Variants in MYO3A observed in about 807,000 individuals in gnomAD.
MYO3A encodes myosin-IIIa.
A neutral mutation model predicts 192.7 loss-of-function variants in MYO3A; 180 were observed. That is an observed-to-expected ratio of 0.93 (90% CI 0.83 to 1.06). The LOEUF is 1.06. Among genes scored for constraint, MYO3A ranks in the 50% least tolerant of loss-of-function variants. MYO3A has a pLI of 0.00. For synonymous variants in MYO3A, 628 were observed against 645.3 expected (o/e 0.97, Z 0.41); for missense variants, 1,896 against 1,905.0 (o/e 1.00, Z 0.09).
At chr10:26,120,580 G>C in intron 17 of MYO3A, 96 bp from the exon 18 acceptor site, 1 of 1,515,152 alleles carries the variant, frequency 6.6e-7, no homozygotes, top group Non-Finnish European at 9.1e-7. Flanking sequence ...ATATGAAAGG[G>C]CCTGAGGGTT....
At position 26,174,561 on chromosome 10, in the gene MYO3A, T is replaced by G. The variant is rs1276541823; in HGVS notation, c.4293+4T>G. The stretch of plus-strand genomic sequence containing the variant: ...TTTGGCAATTTTTTCAAAACAGGTA[T>G]GTGAATAAATAAATTTATTTACTAA... On this transcript the variant is annotated splice_donor_region_variant and intron_variant, in intron 30 of 34. Transcript: ENST00000642920. 1.2e-6 allele frequency: 2 copies of G among 1,610,082 alleles called. No individual in the cohort carries two copies. The highest frequency in any genetic ancestry group is 1.7e-6 in the Non-Finnish European group (2 of 1,177,026).
chr10:25,954,138 A>G (rs779038220), intron 3 of MYO3A, among the ~76,000 whole-genome samples: 2 of 152,134 alleles, frequency 1.3e-5, no homozygotes, highest in Admixed American at 6.6e-5. Flanking sequence ...ATTAGAGCTC[A>G]GATTTAAATT....
chr10:26,164,013 C>T (rs547075535), intron 26 of MYO3A, among the ~76,000 whole-genome samples: 103 of 152,288 alleles, frequency 6.8e-4, no homozygotes, highest in African/African-American at 2.4e-3. Flanking sequence ...GCAGAAAAAA[C>T]GCTTACAATT....
At chr10:25,993,529 C>T (rs964944355) in intron 4 of MYO3A, among the ~76,000 whole-genome samples, 1 of 152,046 alleles carries the variant, frequency 6.6e-6, no homozygotes, top group South Asian at 2.1e-4. Flanking sequence ...CTGCTCTGAT[C>T]TTAGTTATTT....
chr10:26,195,964 T>C (rs1242284881), intron 32 of MYO3A, among the ~76,000 whole-genome samples: 1 of 150,870 alleles, frequency 6.6e-6, no homozygotes, highest in Non-Finnish European at 1.5e-5. Context: ...GTTGTACAAA[T>C]GAGAGCAATG....
At position 26,170,859 on chromosome 10, in the gene MYO3A, T is replaced by G. The variant is rs114869853; in HGVS notation, c.3398+320T>G. On this transcript the variant is annotated intron_variant, in intron 29 of 34. Coordinates refer to ENST00000642920, the MANE Select transcript of MYO3A (RefSeq NM_017433.5). ...TAAATGTATCCCTGGGCCCTCTCAT[T>G]CATTCCAGTGGCTTTAATAGCCAAT... Among the ~76,000 whole-genome samples, 2,993 of 152,324 alleles carry G rather than the reference T, an allele frequency of 0.02. 104 individuals carry two copies. Among genetic ancestry groups the G allele is most frequent in the African/African-American group, 0.068 (2,821 of 41,552 alleles).
chr10:26,072,513 G>A (rs1835269477), intron 14 of MYO3A, among the ~76,000 whole-genome samples: 1 of 152,168 alleles, frequency 6.6e-6, no homozygotes, highest in Non-Finnish European at 1.5e-5. Context: ...AAACTAGGGA[G>A]AGACAAGGAA....
At chr10:26,043,975 A>C (rs968371859) in intron 10 of MYO3A, among the ~76,000 whole-genome samples, 1 of 152,188 alleles carries the variant, frequency 6.6e-6, no homozygotes, top group African/African-American at 2.4e-5. Flanking sequence ...ATGGTGTACT[A>C]TCTGGGTATC....
chr10:26,197,961 C>G (rs920308293), intron 32 of MYO3A, among the ~76,000 whole-genome samples: 4 of 152,196 alleles, frequency 2.6e-5, no homozygotes, highest in Non-Finnish European at 5.9e-5. Context: ...GGCCTATGCT[C>G]GCTGTTACAG....
intron 4 of MYO3A, among the ~76,000 whole-genome samples, chr10:25,994,931 C>A (rs1840325105): frequency 6.6e-6 from 1 of 152,164 alleles, no homozygotes; most frequent in Non-Finnish European, 1.5e-5. Flanking sequence ...TTCTCTCTGG[C>A]TGCCCTTAAT....
chr10:26,111,790 AG>A (rs1445552785), intron 17 of MYO3A, among the ~76,000 whole-genome samples: 3 of 152,314 alleles, frequency 2.0e-5, no homozygotes, highest in African/African-American at 7.2e-5. Flanking sequence ...ATGCCTGGTT[AG>A]GGGAAAACGG....
At chr10:26,014,257 T>C (rs1000381824) in intron 6 of MYO3A, among the ~76,000 whole-genome samples, 6 of 152,074 alleles carry the variant, frequency 3.9e-5, no homozygotes, top group Non-Finnish European at 7.4e-5. Flanking sequence ...TAAACACATG[T>C]ACATCAAAAG....
intron 26 of MYO3A, among the ~76,000 whole-genome samples, chr10:26,157,955 G>A (rs1016805724): frequency 7.2e-5 from 11 of 152,072 alleles, no homozygotes; most frequent in Admixed American, 1.3e-4. Flanking sequence ...GTAGAGGCCT[G>A]GGAATGCTGT....
intron 34 of MYO3A, among the ~76,000 whole-genome samples, chr10:26,209,239 C>T (rs545418804): frequency 6.6e-6 from 1 of 152,330 alleles, no homozygotes; most frequent in African/African-American, 2.4e-5. Context: ...TGCACTAAAT[C>T]CAAGTGCTAT....
chr10:26,128,617 A>G, intron 20 of MYO3A, 79 bp downstream of exon 20: 1 of 1,405,542 alleles, frequency 7.1e-7, no homozygotes, highest in Non-Finnish European at 9.9e-7. Context: ...CAGGACCTTA[A>G]CCATAGATTT....
At chr10:26,011,444 A>T (rs1405416785) in intron 6 of MYO3A, among the ~76,000 whole-genome samples, 11 of 147,308 alleles carry the variant, frequency 7.5e-5, no homozygotes, top group South Asian at 2.1e-4. Flanking sequence ...AAAAAAGTTT[A>T]AAAAAAAAGA....
intron 26 of MYO3A, among the ~76,000 whole-genome samples, chr10:26,162,647 T>C (rs771560259): frequency 1.3e-5 from 2 of 152,242 alleles, no homozygotes; most frequent in South Asian, 2.1e-4. Flanking sequence ...TACCAAAGCA[T>C]TTGATGCAGT....
chr10:26,205,899 G>A (rs910657388), intron 34 of MYO3A, among the ~76,000 whole-genome samples: 16 of 152,004 alleles, frequency 1.1e-4, no homozygotes, highest in Admixed American at 6.6e-4. Context: ...GATTACAGGC[G>A]TGAGCCACCG....
At chr10:26,056,083 C>T (rs1834092984) in intron 10 of MYO3A, among the ~76,000 whole-genome samples, 1 of 152,128 alleles carries the variant, frequency 6.6e-6, no homozygotes. Context: ...ATGATAAAGG[C>T]TCTAGTGGAT....
Sources: allele counts gnomAD v4.1 joint callset (sites outside exome capture counted in the v4.1 genomes callset), GRCh38; gene constraint gnomAD v4.1.1; transcripts MANE v1.5; gene names NCBI Gene and HGNC (gene_info 2026-07-23, HGNC 2026-07-21).